The following ELAVL4 variants were observed in gnomAD, a reference collection of about 807,000 sequenced individuals.
ELAVL4 encodes ELAV-like protein 4.
Under a neutral mutation model 35.6 loss-of-function variants are expected in ELAVL4, and 1 was observed. The observed-to-expected ratio is 0.03, with a 90% CI of 0.01 to 0.13. The LOEUF is 0.13. Among genes scored for constraint, ELAVL4 ranks in the 10% least tolerant of loss-of-function variants. The pLI is 1.00. For synonymous variants in ELAVL4, 156 were observed against 171.0 expected, an observed-to-expected ratio of 0.91 and a Z score of 0.69; for missense variants, 267 against 464.9, an observed-to-expected ratio of 0.57 and a Z score of 3.91.
Position 50,062,835 on chromosome 1 carries a change from C to T in ELAVL4, c.18+14653C>T, listed in dbSNP as rs191834733. On this transcript the variant is annotated intron_variant, in intron 1 of 6. Transcript: ENST00000448907. ...GACACATGCTTTCTATCTTGCTTCC[C>T]GATGATACAAATATGTTAAGCTGAG... Among the ~76,000 whole-genome samples the T allele has an allele frequency of 1.1e-3, 161 of 152,212 alleles. 1 individual carries two copies. Among genetic ancestry groups the T allele is most frequent in the Admixed American group, 6.9e-3 (106 of 15,274 alleles).
intron 2 of ELAVL4, 59 bp from the exon 3 acceptor site, chr1:50,177,030 C>T (rs926272567): frequency 7.0e-7 from 1 of 1,422,364 alleles, no homozygotes; most frequent in Admixed American, 1.7e-5. Context: ...CTCTCTCTCT[C>T]TCTTTCTCTC....
At chr1:50,074,210 A>C (rs992289707) in intron 1 of ELAVL4, among the ~76,000 whole-genome samples, 1 of 152,078 alleles carries the variant, frequency 6.6e-6, no homozygotes, top group Non-Finnish European at 1.5e-5. Context: ...ATAGTTACTT[A>C]TATTTTTTGT....
Position 50,201,032 on chromosome 1 carries a change from A to C in ELAVL4, c.955A>C (p.Asn319His). 6.2e-7 allele frequency: 1 copy of C among 1,614,082 alleles called. No homozygotes were observed. The highest frequency in any genetic ancestry group is 8.5e-7 in the Non-Finnish European group (1 of 1,179,988). The change falls in exon 7 of 7, where the codon AAC becomes CAC. Residue 319 changes from asparagine (N) to histidine (H), a missense_variant. Physicochemically the swap from Asn to His is moderately conservative, Grantham distance 68. Transcript: ENST00000371824. The surrounding 1 kb of genome is among the most constrained non-coding windows in gnomAD (Gnocchi z 4.3). ...VNNVKVIRDF[N>H]TNKCKGFGFV... is the part of the protein sequence containing the mutation. ...CAACGTAAAGGTGATTCGTGACTTC[A>C]ACACCAACAAGTGCAAGGGATTCGG... is the stretch of plus-strand genomic sequence containing the variant.
At chr1:50,146,167 T>TA (rs1049865510) in intron 2 of ELAVL4, among the ~76,000 whole-genome samples, 52 of 143,938 alleles carry the variant, frequency 3.6e-4, no homozygotes, top group African/African-American at 5.1e-4. Flanking sequence ...TTTTTTTTTT[T>TA]AAAAAGGAAG....
chr1:50,125,630 A>G (rs1195388269), intron 1 of ELAVL4, among the ~76,000 whole-genome samples: 1 of 152,060 alleles, frequency 6.6e-6, no homozygotes, highest in Non-Finnish European at 1.5e-5. Flanking sequence ...GAGAGGTCCT[A>G]TTCTGTGAAA....
upstream of ELAVL4, among the ~76,000 whole-genome samples, chr1:50,108,344 A>T (rs1268565683): frequency 6.6e-6 from 1 of 152,208 alleles, no homozygotes; most frequent in Non-Finnish European, 1.5e-5. Context: ...AATGTTGGCC[A>T]TGTTAGCTGG....
intron 2 of ELAVL4, among the ~76,000 whole-genome samples, chr1:50,165,510 T>C (rs1677617897): frequency 6.7e-6 from 1 of 150,128 alleles, no homozygotes; most frequent in South Asian, 2.1e-4. Flanking sequence ...GTATATACTA[T>C]GCATATATAC....
At chr1:50,145,859 A>G (rs1046353935) in intron 2 of ELAVL4, among the ~76,000 whole-genome samples, 4 of 152,236 alleles carry the variant, frequency 2.6e-5, no homozygotes, top group African/African-American at 9.6e-5. Flanking sequence ...ACTTCAATAC[A>G]TGAGATTTTT....
At chr1:50,198,284 C>T (rs1298814636) in intron 6 of ELAVL4, among the ~76,000 whole-genome samples, 1 of 152,128 alleles carries the variant, frequency 6.6e-6, no homozygotes, top group Non-Finnish European at 1.5e-5. Context: ...GTCACTGTGT[C>T]CATGAGATTC....
chr1:50,145,250 A>G, intron 2 of ELAVL4, 53 bp downstream of exon 2: 1 of 1,606,876 alleles, frequency 6.2e-7, no homozygotes, highest in Non-Finnish European at 8.5e-7. Flanking sequence ...AGATCTTAGC[A>G]GAAATGCACA....
chr1:50,103,346 C>G (rs557424883), upstream of ELAVL4, among the ~76,000 whole-genome samples: 1 of 152,196 alleles, frequency 6.6e-6, no homozygotes, highest in African/African-American at 2.4e-5. Context: ...TGATAGACTC[C>G]TTCACATCAG....
chr1:50,193,132 G>A (rs947238905), intron 3 of ELAVL4, among the ~76,000 whole-genome samples: 27 of 152,128 alleles, frequency 1.8e-4, no homozygotes, highest in African/African-American at 6.0e-4. Flanking sequence ...CCTTGCAGAT[G>A]TGACGACAAG....
chr1:50,099,911 T>C (rs555107260), upstream of ELAVL4, among the ~76,000 whole-genome samples: 5 of 152,336 alleles, frequency 3.3e-5, no homozygotes, highest in African/African-American at 1.2e-4. Flanking sequence ...GCATAGATTA[T>C]TTTGATTGTT....
At chr1:50,195,096 A>G (rs1643957260) in intron 4 of ELAVL4, among the ~76,000 whole-genome samples, 2 of 152,258 alleles carry the variant, frequency 1.3e-5, no homozygotes, top group South Asian at 4.1e-4. Flanking sequence ...AATGGGAGTC[A>G]GTGAAGAATA....
chr1:50,105,674 G>A (rs1263301881), upstream of ELAVL4: 3 of 152,370 alleles, frequency 2.0e-5, no homozygotes, highest in Admixed American at 6.5e-5. Flanking sequence ...CACCAGCCAT[G>A]TTTGGGGCAG....
At chr1:50,063,873 C>T (rs1176857678) in intron 1 of ELAVL4, among the ~76,000 whole-genome samples, 1 of 152,198 alleles carries the variant, frequency 6.6e-6, no homozygotes, top group South Asian at 2.1e-4. Flanking sequence ...CCCACTGTAT[C>T]AGCCTCTTTC....
intron 1 of ELAVL4, among the ~76,000 whole-genome samples, chr1:50,091,103 C>G (rs1184364751): frequency 6.6e-6 from 1 of 152,140 alleles, no homozygotes; most frequent in African/African-American, 2.4e-5. Context: ...GGAATTGGAG[C>G]TGAATTACCC....
intron 2 of ELAVL4, among the ~76,000 whole-genome samples, chr1:50,157,189 G>T (rs1367965438): frequency 6.6e-6 from 1 of 152,096 alleles, no homozygotes; most frequent in Non-Finnish European, 1.5e-5. Context: ...TAAAGTGGAA[G>T]GATCCACTAA....
chr1:50,103,434 G>GA (rs894910170), upstream of ELAVL4, among the ~76,000 whole-genome samples: 137 of 144,308 alleles, frequency 9.5e-4, 2 homozygotes, highest in African/African-American at 2.4e-3. Flanking sequence ...ACATGATAAA[G>GA]AAAAAAAAAA....
Sources: gnomAD v4.1 joint callset for allele counts (sites outside exome capture counted in the v4.1 genomes callset) on GRCh38, gnomAD v4.1.1 for gene constraint, Gnocchi (gnomAD v3.1) non-coding constraint, MANE v1.5 for transcripts, NCBI Gene and HGNC (gene_info 2026-07-23, HGNC 2026-07-21) for gene names.